The following EPB41 variants were observed in gnomAD, a reference collection of about 807,000 sequenced individuals.
The protein encoded by EPB41 is erythrocyte membrane protein band 4.1.
Under a neutral mutation model 108.0 loss-of-function variants are expected in EPB41, and 65 were observed. That is an observed-to-expected ratio of 0.60 (90% confidence interval 0.49 to 0.74). The LOEUF (loss-of-function observed/expected upper bound fraction) is 0.74. Among genes scored for constraint, EPB41 ranks in the 30% least tolerant of loss-of-function variants. The pLI is 0.00. For synonymous variants in EPB41, 336 were observed against 358.9 expected (o/e 0.94, Z 0.72); for missense variants, 875 against 1,037.0 (o/e 0.84, Z 2.15).
Position 29,047,253 on chromosome 1 carries a change from C to CTTTTTTTTTTTTTTTTTTTTTTTTT in EPB41, c.1637-5835_1637-5834insTTTTTTTTTTTTTTTTTTTTTTTTT, listed in dbSNP as rs755248112. Among the ~76,000 whole-genome samples, 20 of 100,530 alleles carry CTTTTTTTTTTTTTTTTTTTTTTTTT rather than the reference C, an allele frequency of 2.0e-4. 1 individual carries two copies. Among genetic ancestry groups the CTTTTTTTTTTTTTTTTTTTTTTTTT allele is most frequent in the African/African-American group, 3.0e-4 (6 of 19,718 alleles). The allele number at this position is 100,530 out of a possible 152,430, so 66.0% of individuals were successfully genotyped here. ...TGTTTCTTTTTTCTTTCTTTCTTTC[C>CTTTTTTTTTTTTTTTTTTTTTTTTT]TTTTTTTTTTTTTTTTGGAGAGAGA... is the stretch of plus-strand genomic sequence containing the variant. On this transcript the variant is annotated intron_variant, in intron 11 of 20. Coordinates refer to ENST00000343067, the MANE Select transcript of EPB41 (RefSeq NM_001376013.1).
At chr1:29,092,966 A>G (rs1261778790) in intron 16 of EPB41, among the ~76,000 whole-genome samples, 1 of 152,176 alleles carries the variant, frequency 6.6e-6, no homozygotes, top group African/African-American at 2.4e-5. Flanking sequence ...ATGGGCATTT[A>G]GGTTGATTTC....
At chr1:28,929,523 C>T (rs1387417974) in intron 1 of EPB41, among the ~76,000 whole-genome samples, 1 of 151,102 alleles carries the variant, frequency 6.6e-6, no homozygotes, top group Non-Finnish European at 1.5e-5. Context: ...AGCCACTGCG[C>T]CCGGCCAATT....
At chr1:28,979,796 A>G (rs534028674) in intron 1 of EPB41, among the ~76,000 whole-genome samples, 1 of 152,192 alleles carries the variant, frequency 6.6e-6, no homozygotes, top group East Asian at 1.9e-4. Context: ...TAGTTTATGT[A>G]TTAGTGACTG....
intron 10 of EPB41, 37 bp downstream of exon 10, chr1:29,035,960 T>C (rs958160777): frequency 1.2e-5 from 17 of 1,473,010 alleles, no homozygotes; most frequent in Non-Finnish European, 1.5e-5. Flanking sequence ...AAGGATAAAT[T>C]ATTTATAACG....
At chr1:29,064,656 T>C (rs1293435357) in intron 15 of EPB41, among the ~76,000 whole-genome samples, 1 of 152,194 alleles carries the variant, frequency 6.6e-6, no homozygotes, top group Non-Finnish European at 1.5e-5. Flanking sequence ...AACTACCTTC[T>C]TGGGATGAGA....
At chr1:28,958,819 C>CA (rs35105287) in intron 1 of EPB41, among the ~76,000 whole-genome samples, 9,060 of 65,200 alleles carry the variant, frequency 0.14, 714 homozygotes, top group African/African-American at 0.23. Context: ...ACCCTGTCTC[C>CA]AAAAAAAAAA....
intron 1 of EPB41, among the ~76,000 whole-genome samples, chr1:28,977,755 A>G (rs1339851589): frequency 6.6e-6 from 1 of 152,124 alleles, no homozygotes; most frequent in East Asian, 1.9e-4. Context: ...ATCATTTGTA[A>G]CACGAGGAAC....
chr1:28,906,392 C>A (rs1380545966), intron 1 of EPB41, among the ~76,000 whole-genome samples: 1 of 152,168 alleles, frequency 6.6e-6, no homozygotes, highest in African/African-American at 2.4e-5. Flanking sequence ...TGGCACAGAG[C>A]CTGTTTCTTG....
rs1406252509 is a variant in EPB41, at chr1:29,115,443, C to G, written c.2497-256C>G. Among the ~76,000 whole-genome samples, 1 of 152,012 alleles carries G rather than the reference C, an allele frequency of 6.6e-6. No homozygotes were observed. The highest frequency in any genetic ancestry group is 1.5e-5 in the Non-Finnish European group (1 of 67,986). ...ATAAAGGATCATATAACAGATACAGCTATGACCCCCGAAGTCCCTCTCCAG... is the reference window on the plus strand; with the variant it reads ...ATAAAGGATCATATAACAGATACAGGTATGACCCCCGAAGTCCCTCTCCAG... On this transcript the variant is annotated intron_variant, in intron 19 of 20. Transcript: ENST00000343067. The surrounding 1 kb of genome is among the most constrained non-coding windows in gnomAD (Gnocchi z 4.4).
intron 1 of EPB41, among the ~76,000 whole-genome samples, chr1:28,951,341 T>G (rs2094711167): frequency 6.8e-6 from 1 of 145,988 alleles, no homozygotes; most frequent in Admixed American, 6.9e-5. Context: ...CCCCAACTCT[T>G]ACACATTTAC....
intron 1 of EPB41, among the ~76,000 whole-genome samples, chr1:28,968,078 G>T (rs1194008304): frequency 6.6e-6 from 1 of 151,886 alleles, no homozygotes; most frequent in African/African-American, 2.4e-5. Context: ...TTCGTTTTTG[G>T]CCAGGCACGG....
At chr1:28,962,379 T>G (rs2095243873) in intron 1 of EPB41, among the ~76,000 whole-genome samples, 1 of 152,136 alleles carries the variant, frequency 6.6e-6, no homozygotes. Context: ...TGCTATTACT[T>G]TTAATGGCAA....
intron 1 of EPB41, among the ~76,000 whole-genome samples, chr1:28,928,555 A>G (rs996641900): frequency 6.6e-6 from 1 of 152,360 alleles, no homozygotes; most frequent in Admixed American, 6.5e-5. Flanking sequence ...TTATAGCTCC[A>G]CAACTTGGAA....
intron 1 of EPB41, among the ~76,000 whole-genome samples, chr1:28,942,377 A>G (rs1174295905): frequency 6.6e-6 from 1 of 152,218 alleles, no homozygotes; most frequent in African/African-American, 2.4e-5. Context: ...CTGGCTCCAA[A>G]TTGGGGTTCC....
At chr1:28,959,464 G>A (rs947773688) in intron 1 of EPB41, among the ~76,000 whole-genome samples, 3 of 151,966 alleles carry the variant, frequency 2.0e-5, no homozygotes, top group Admixed American at 6.6e-5. Context: ...TAGTCCACCC[G>A]CCTCGGCCTC....
chr1:28,890,961 G>A (rs2090051416), intron 1 of EPB41: 3 of 985,488 alleles, frequency 3.0e-6, no homozygotes, highest in Non-Finnish European at 3.6e-6. Context: ...TCTTGAGGCT[G>A]GGGAACTGGG....
intron 16 of EPB41, among the ~76,000 whole-genome samples, chr1:29,066,737 G>A (rs919665459): frequency 3.3e-5 from 5 of 151,946 alleles, no homozygotes; most frequent in African/African-American, 7.3e-5. Context: ...GCAATGGCAC[G>A]ATCTTGGCTC....
Position 29,018,437 on chromosome 1 carries a change from A to G in EPB41, c.1119A>G (p.Ser373=). The change falls in exon 7 of 21, where the codon TCA becomes TCG. Residue 373 remains serine (S), a synonymous_variant. Coordinates refer to ENST00000343067, the MANE Select transcript of EPB41 (RefSeq NM_001376013.1). The surrounding 1 kb of genome is among the most constrained non-coding windows in gnomAD (Gnocchi z 4.4). ...AGAAGGTCATGGAACTGCATAAGTCATACAGGTGAATATGTCTCCAGGGTT... is the reference window on the plus strand; with the variant it reads ...AGAAGGTCATGGAACTGCATAAGTCGTACAGGTGAATATGTCTCCAGGGTT... ...LEEKVMELHK[S]YRSMTPAQAD... is the part of the protein sequence containing the mutation. 6.2e-7 allele frequency: 1 copy of G among 1,613,946 alleles called. No homozygotes were observed. Among genetic ancestry groups the G allele is most frequent in the South Asian group, 1.1e-5 (1 of 91,074 alleles).
chr1:29,053,794 T>C (rs1052908543), intron 12 of EPB41: 1 of 157,034 alleles, frequency 6.4e-6, no homozygotes, highest in South Asian at 1.8e-4. Context: ...CTCCTGACCT[T>C]GTGATCCGCC....
Sources: gnomAD v4.1 joint callset for allele counts (sites outside exome capture counted in the v4.1 genomes callset) on GRCh38, gnomAD v4.1.1 for gene constraint, Gnocchi (gnomAD v3.1) non-coding constraint, MANE v1.5 for transcripts, NCBI Gene and HGNC (gene_info 2026-07-23, HGNC 2026-07-21) for gene names.